Variants in MOB3B observed in about 807,000 individuals in gnomAD.
MOB3B encodes MOB kinase activator-like 2B.
A neutral mutation model predicts 18.7 loss-of-function variants in MOB3B; 7 were observed. The observed-to-expected ratio is 0.37, with a 90% CI of 0.21 to 0.70. The LOEUF (loss-of-function observed/expected upper bound fraction) is 0.70, where lower values mean the gene tolerates loss of function less well. MOB3B is among the 30% of genes least tolerant of loss of function. MOB3B has a pLI of 0.52. For synonymous variants in MOB3B, 111 were observed against 99.9 expected, an observed-to-expected ratio of 1.11 and a Z score of -0.66; for missense variants, 253 against 281.3, an observed-to-expected ratio of 0.90 and a Z score of 0.72.
At chr9:27,349,050 T>C (rs1454597977) in intron 3 of MOB3B, among the ~76,000 whole-genome samples, 1 of 152,216 alleles carries the variant, frequency 6.6e-6, no homozygotes, top group Non-Finnish European at 1.5e-5. Flanking sequence ...CATATCTCTT[T>C]CTTCTTCCAG....
chr9:27,349,629 T>G (rs977596913), intron 3 of MOB3B, among the ~76,000 whole-genome samples: 14 of 152,138 alleles, frequency 9.2e-5, no homozygotes, highest in Admixed American at 2.6e-4. Flanking sequence ...TTTCCAACAC[T>G]GCAGAGAACA....
intron 2 of MOB3B, among the ~76,000 whole-genome samples, chr9:27,362,624 A>G (rs193029925): frequency 2.6e-5 from 4 of 152,222 alleles, no homozygotes; most frequent in East Asian, 1.9e-4. Flanking sequence ...TCAAGTTGAG[A>G]CATGTTCAGC....
intron 2 of MOB3B, among the ~76,000 whole-genome samples, chr9:27,427,010 G>A (rs1822344693): frequency 6.6e-6 from 1 of 152,212 alleles, no homozygotes; most frequent in South Asian, 2.1e-4. Context: ...AATTTAGGAA[G>A]AGAACATCCA....
At chr9:27,380,410 T>C (rs1325682359) in intron 2 of MOB3B, among the ~76,000 whole-genome samples, 1 of 151,958 alleles carries the variant, frequency 6.6e-6, no homozygotes, top group Non-Finnish European at 1.5e-5. Context: ...AGCTAATTTT[T>C]GTATTTTTAG....
intron 2 of MOB3B, among the ~76,000 whole-genome samples, chr9:27,410,016 G>A (rs1296663145): frequency 6.6e-6 from 1 of 152,102 alleles, no homozygotes; most frequent in Non-Finnish European, 1.5e-5. Flanking sequence ...ATTGATGATT[G>A]AACAACACTG....
intron 2 of MOB3B, among the ~76,000 whole-genome samples, chr9:27,403,198 C>A (rs1051273231): frequency 6.6e-6 from 1 of 152,198 alleles, no homozygotes; most frequent in African/African-American, 2.4e-5. Context: ...GAAGACTTAA[C>A]CTAGCCATAC....
At chr9:27,346,622 C>T (rs964058604) in intron 3 of MOB3B, among the ~76,000 whole-genome samples, 3 of 152,116 alleles carry the variant, frequency 2.0e-5, no homozygotes, top group African/African-American at 4.8e-5. Flanking sequence ...TTATTACAGG[C>T]CATTTAAAGT....
At chr9:27,417,779 T>C (rs540762034) in intron 2 of MOB3B, among the ~76,000 whole-genome samples, 13 of 151,982 alleles carry the variant, frequency 8.6e-5, no homozygotes, top group Non-Finnish European at 1.2e-4. Context: ...ACACAACCCT[T>C]TGGCCGGGTG....
chr9:27,481,266 G>A (rs1002262063), intron 1 of MOB3B, among the ~76,000 whole-genome samples: 1 of 152,056 alleles, frequency 6.6e-6, no homozygotes, highest in Non-Finnish European at 1.5e-5. Context: ...AAAATATATC[G>A]GTACAGTTAA....
intron 1 of MOB3B, among the ~76,000 whole-genome samples, chr9:27,487,145 A>AAATAAATAAATAAAT (rs1183123947): frequency 1.3e-5 from 2 of 150,686 alleles, no homozygotes; most frequent in Non-Finnish European, 2.9e-5. Context: ...ATAAATAAAT[A>AAATAAATAAATAAAT]AATAAATAAA....
At chr9:27,515,374 C>T (rs899048211) in intron 1 of MOB3B, among the ~76,000 whole-genome samples, 4 of 152,120 alleles carry the variant, frequency 2.6e-5, no homozygotes, top group Non-Finnish European at 4.4e-5. Flanking sequence ...ACAATGTGGC[C>T]TCAGACAGAC....
At chr9:27,501,721 C>T (rs1198683485) in intron 1 of MOB3B, among the ~76,000 whole-genome samples, 4 of 149,292 alleles carry the variant, frequency 2.7e-5, no homozygotes, top group African/African-American at 9.9e-5. Context: ...GAGCCAAGAT[C>T]GCCCCACTGC....
chr9:27,470,035 G>A (rs1819447227), intron 1 of MOB3B, among the ~76,000 whole-genome samples: 1 of 150,066 alleles, frequency 6.7e-6, no homozygotes, highest in Non-Finnish European at 1.5e-5. Context: ...CATGAGCCTA[G>A]GAGTTCGAGG....
At chr9:27,416,607 G>T (rs1822153603) in intron 2 of MOB3B, among the ~76,000 whole-genome samples, 1 of 139,700 alleles carries the variant, frequency 7.2e-6, no homozygotes, top group Non-Finnish European at 1.5e-5. Flanking sequence ...GTCTGGAGTG[G>T]AATGCCTTGA....
At chr9:27,513,871 G>A (rs1242301157) in intron 1 of MOB3B, among the ~76,000 whole-genome samples, 1 of 152,100 alleles carries the variant, frequency 6.6e-6, no homozygotes, top group East Asian at 1.9e-4. Context: ...GGAGATGAAA[G>A]GATGGATAAA....
intron 1 of MOB3B, among the ~76,000 whole-genome samples, chr9:27,471,266 T>G (rs554258267): frequency 6.6e-6 from 1 of 152,218 alleles, no homozygotes; most frequent in African/African-American, 2.4e-5. Flanking sequence ...CTGAGGCGAA[T>G]AGGCAGGAGA....
chr9:27,460,173 G>T (rs1378615527), intron 1 of MOB3B, among the ~76,000 whole-genome samples: 1 of 152,174 alleles, frequency 6.6e-6, no homozygotes, highest in Non-Finnish European at 1.5e-5. Context: ...AAAGTTCAAT[G>T]CACCAACATG....
intron 2 of MOB3B, among the ~76,000 whole-genome samples, chr9:27,396,589 A>G (rs1185857043): frequency 6.6e-6 from 1 of 152,014 alleles, no homozygotes; most frequent in Non-Finnish European, 1.5e-5. Flanking sequence ...TATGTTTCCC[A>G]TATTTCTCCT....
intron 1 of MOB3B, among the ~76,000 whole-genome samples, chr9:27,462,002 T>A (rs574228242): frequency 2.6e-5 from 4 of 152,202 alleles, no homozygotes; most frequent in Admixed American, 2.6e-4. Context: ...ATAAAGAGAA[T>A]AATGTTCCTT....
Sources: gnomAD v4.1 joint callset for allele counts (sites outside exome capture counted in the v4.1 genomes callset) on GRCh38, gnomAD v4.1.1 for gene constraint, MANE v1.5 for transcripts, NCBI Gene and HGNC (gene_info 2026-07-23, HGNC 2026-07-21) for gene names.